RABGAP1L: variants seen among roughly 807,000 people sequenced by gnomAD.
RABGAP1L encodes the protein rab GTPase-activating protein 1-like.
RABGAP1L carries 63 observed loss-of-function variants against 137.7 expected under a neutral mutation model. The observed-to-expected ratio is 0.46, with a 90% CI of 0.37 to 0.56. The LOEUF (loss-of-function observed/expected upper bound fraction) is 0.56. Ranked by LOEUF, RABGAP1L falls within the 20% of genes least tolerant of loss-of-function variation. RABGAP1L has a pLI of 0.00. For missense variants in RABGAP1L, 1,095 were observed against 1,244.0 expected (o/e 0.88, Z 1.80); for synonymous variants, 431 against 433.7 (o/e 0.99, Z 0.08).
chr1:174,893,717 T>C lies in RABGAP1L; in HGVS notation c.2341-63740T>C, dbSNP rs527434395. Among the ~76,000 whole-genome samples, 23 of 152,306 alleles carry C rather than the reference T, an allele frequency of 1.5e-4. No homozygotes were observed. The South Asian group carries it at 4.8e-3, about 32-fold the overall frequency. On this transcript the variant is annotated intron_variant, in intron 19 of 25. Coordinates refer to ENST00000681986, the MANE Select transcript of RABGAP1L (RefSeq NM_001366446.1). ...TAGCAGGTACTTCCTAATCAGGATCTTGACAACTATCAGCCACATAGAATA... is the reference window on the plus strand; with the variant it reads ...TAGCAGGTACTTCCTAATCAGGATCCTGACAACTATCAGCCACATAGAATA...
chr1:174,259,886 G>A (rs924001702), intron 7 of RABGAP1L, among the ~76,000 whole-genome samples: 1 of 150,566 alleles, frequency 6.6e-6, no homozygotes, highest in Non-Finnish European at 1.5e-5. Context: ...CCAGGCTGGA[G>A]TGCAGTGGTG....
At chr1:174,759,283 TAAAAAA>T (rs59159307) in intron 18 of RABGAP1L, among the ~76,000 whole-genome samples, 16 of 130,670 alleles carry the variant, frequency 1.2e-4, no homozygotes, top group African/African-American at 4.0e-4. Context: ...GTAATTTATT[TAAAAAA>T]AAAAAAAAAA....
intron 1 of RABGAP1L, among the ~76,000 whole-genome samples, chr1:174,167,801 A>G (rs1325167040): frequency 3.3e-5 from 5 of 152,144 alleles, no homozygotes; most frequent in Non-Finnish European, 7.4e-5. Flanking sequence ...TTTAAGAGAC[A>G]CATATCACTA....
chr1:174,546,817 T>C lies in RABGAP1L; in HGVS notation c.1711-90558T>C, dbSNP rs563128650. Among the ~76,000 whole-genome samples the C allele has an allele frequency of 1.1e-4, 16 of 151,104 alleles. No individual in the cohort carries two copies. In the South Asian group the frequency reaches 1.3e-3, roughly 12 times the overall value. ...AGGCCAAGGCAGGCGGATCACGAGG[T>C]CAGGAGATCGAGACCATCCTGGCTA... On this transcript the variant is annotated intron_variant, in intron 13 of 25. Transcript: ENST00000681986.
chr1:174,871,623 A>T (rs969234950), intron 19 of RABGAP1L, among the ~76,000 whole-genome samples: 3 of 152,184 alleles, frequency 2.0e-5, no homozygotes, highest in African/African-American at 7.2e-5. Flanking sequence ...CTTGAGAGAA[A>T]TGGGCACTTG....
chr1:174,825,657 T>C (rs1573379379), intron 19 of RABGAP1L, among the ~76,000 whole-genome samples: 2 of 152,284 alleles, frequency 1.3e-5, no homozygotes, highest in East Asian at 3.9e-4. Context: ...GCCAAGGTGG[T>C]GGATCACTTG....
At chr1:174,857,248 C>T (rs1187511826) in intron 19 of RABGAP1L, among the ~76,000 whole-genome samples, 2 of 152,152 alleles carry the variant, frequency 1.3e-5, no homozygotes, top group East Asian at 1.9e-4. Flanking sequence ...CTATATGAGT[C>T]CCAGGGCCTG....
intron 13 of RABGAP1L, among the ~76,000 whole-genome samples, chr1:174,455,019 G>C (rs1255683196): frequency 6.6e-6 from 1 of 152,026 alleles, no homozygotes; most frequent in South Asian, 2.1e-4. Flanking sequence ...TTTTTTAATG[G>C]TAACTTTTAT....
intron 10 of RABGAP1L, among the ~76,000 whole-genome samples, chr1:174,299,942 A>G (rs929875037): frequency 3.3e-5 from 5 of 152,328 alleles, no homozygotes; most frequent in African/African-American, 1.2e-4. Flanking sequence ...ATTGTCTGTG[A>G]GTAGCAAAAT....
intron 19 of RABGAP1L, among the ~76,000 whole-genome samples, chr1:174,936,856 A>C (rs1032625860): frequency 6.6e-6 from 1 of 152,064 alleles, no homozygotes; most frequent in Non-Finnish European, 1.5e-5. Flanking sequence ...AGCTTCAATT[A>C]TATAATTACA....
chr1:174,838,695 C>T (rs936402588), intron 19 of RABGAP1L, among the ~76,000 whole-genome samples: 2 of 151,572 alleles, frequency 1.3e-5, no homozygotes, highest in Non-Finnish European at 1.5e-5. Context: ...TTTGGGAGGC[C>T]GAGGCGGGCG....
At chr1:174,911,663 C>T (rs1218416593) in intron 19 of RABGAP1L, among the ~76,000 whole-genome samples, 3 of 152,102 alleles carry the variant, frequency 2.0e-5, no homozygotes, top group Non-Finnish European at 4.4e-5. Context: ...GTTAAAGCTC[C>T]CTTGCTGAAC....
chr1:174,398,076 C>T (rs993248655), intron 13 of RABGAP1L, among the ~76,000 whole-genome samples: 1 of 152,182 alleles, frequency 6.6e-6, no homozygotes, highest in Non-Finnish European at 1.5e-5. Flanking sequence ...TTCCATCATT[C>T]TCACGGATAT....
rs1558312820 is a variant in RABGAP1L at position 174,990,397 on chromosome 1, A to G, written c.*396A>G. On this transcript the variant is annotated 3_prime_UTR_variant, in exon 26 of 26. Transcript: ENST00000681986. The stretch of plus-strand genomic sequence containing the variant: ...GAAGTGATAAGAAGATCTTTGTCAC[A>G]GGAAAAAAAAAATTGAAACCTAAAC... 6.6e-6 allele frequency: 1 copy of G among 151,848 alleles called. No individual in the cohort carries two copies. Among genetic ancestry groups the G allele is most frequent in the Non-Finnish European group, 1.5e-5 (1 of 68,898 alleles). The allele number at this position is 151,848 out of a possible 1,614,324, so 9.4% of individuals were successfully genotyped here.
At chr1:174,624,878 T>A (rs1333975279) in intron 13 of RABGAP1L, among the ~76,000 whole-genome samples, 3 of 151,216 alleles carry the variant, frequency 2.0e-5, no homozygotes, top group Non-Finnish European at 4.4e-5. Context: ...CTTGCCTTTT[T>A]TTTTTTTTTT....
chr1:174,617,713 T>A (rs1237728649), intron 13 of RABGAP1L, among the ~76,000 whole-genome samples: 1 of 152,214 alleles, frequency 6.6e-6, no homozygotes, highest in Non-Finnish European at 1.5e-5. Flanking sequence ...CCTGAAGGAT[T>A]TTTAAAACAT....
At chr1:174,162,008 C>T (rs1216377972) in intron 1 of RABGAP1L, among the ~76,000 whole-genome samples, 1 of 151,480 alleles carries the variant, frequency 6.6e-6, no homozygotes, top group African/African-American at 2.4e-5. Context: ...GCTGGGATTA[C>T]AGGCCTGAGC....
chr1:174,767,527 CTTT>C (rs34412988), intron 18 of RABGAP1L, among the ~76,000 whole-genome samples: 8 of 137,680 alleles, frequency 5.8e-5, no homozygotes, highest in Non-Finnish European at 6.5e-5. Flanking sequence ...ACTGACTTTC[CTTT>C]TTTTTTTTTT....
At chr1:174,328,009 A>ATATATATATG (rs1680691785) in intron 11 of RABGAP1L, among the ~76,000 whole-genome samples, 5 of 128,894 alleles carry the variant, frequency 3.9e-5, no homozygotes, top group African/African-American at 1.7e-4. Context: ...ATATATATAT[A>ATATATATATG]TATATATATA....
Sources: allele counts gnomAD v4.1 joint callset (sites outside exome capture counted in the v4.1 genomes callset), GRCh38; gene constraint gnomAD v4.1.1; transcripts MANE v1.5; gene names NCBI Gene and HGNC (gene_info 2026-07-23, HGNC 2026-07-21).